Variants in CRPPA observed in about 807,000 individuals in gnomAD.
CRPPA encodes the protein D-ribitol-5-phosphate cytidylyltransferase.
In CRPPA, 43 loss-of-function variants were observed where a neutral mutation model predicts 52.0. The observed-to-expected ratio is 0.83, with a 90% CI of 0.65 to 1.07. The LOEUF is 1.07. Ranked by LOEUF, CRPPA falls within the 50% of genes least tolerant of loss-of-function variation. CRPPA has a pLI of 0.00. For missense variants in CRPPA, 629 were observed against 551.7 expected, an observed-to-expected ratio of 1.14 and a Z score of -1.40; for synonymous variants, 250 against 203.5, an observed-to-expected ratio of 1.23 and a Z score of -1.94.
chr7:16,339,714 G>T (rs1200002489), intron 3 of CRPPA, among the ~76,000 whole-genome samples: 1 of 152,124 alleles, frequency 6.6e-6, no homozygotes, highest in African/African-American at 2.4e-5. Context: ...ATAAGAAAAA[G>T]AAATAAGTAT....
chr7:16,095,577 A>AT, intron 9 of CRPPA, among the ~76,000 whole-genome samples: 3 of 152,268 alleles, frequency 2.0e-5, no homozygotes, highest in Admixed American at 2.0e-4. Context: ...ATGTGAGAAT[A>AT]TTTTTTGCAG....
intron 9 of CRPPA, among the ~76,000 whole-genome samples, chr7:16,139,605 A>C (rs1201749777): frequency 6.6e-6 from 1 of 152,214 alleles, no homozygotes; most frequent in Non-Finnish European, 1.5e-5. Context: ...GCACTAACCT[A>C]ATAATTTAAA....
At chr7:16,179,739 T>C (rs1353943822) in intron 9 of CRPPA, among the ~76,000 whole-genome samples, 1 of 152,070 alleles carries the variant, frequency 6.6e-6, no homozygotes, top group African/African-American at 2.4e-5. Context: ...GGCAATTTGT[T>C]ACAACAGCAA....
At chr7:16,131,783 G>A (rs1369502154) in intron 9 of CRPPA, among the ~76,000 whole-genome samples, 2 of 152,134 alleles carry the variant, frequency 1.3e-5, no homozygotes, top group African/African-American at 2.4e-5. Flanking sequence ...GTCTCACCAT[G>A]TTGCCCAGGC....
intron 9 of CRPPA, among the ~76,000 whole-genome samples, chr7:16,211,675 C>A (rs1382226004): frequency 2.6e-5 from 4 of 152,128 alleles, no homozygotes; most frequent in Non-Finnish European, 5.9e-5. Context: ...CTAGTGGACA[C>A]AGAGTAAATG....
intron 8 of CRPPA, among the ~76,000 whole-genome samples, chr7:16,255,471 C>T (rs796859801): frequency 3.2e-4 from 49 of 152,234 alleles, no homozygotes; most frequent in African/African-American, 1.2e-3. Context: ...CAAAAAAGAG[C>T]CTGCATTGCC....
chr7:16,394,129 C>G (rs1303306040), intron 2 of CRPPA, among the ~76,000 whole-genome samples: 1 of 152,094 alleles, frequency 6.6e-6, no homozygotes, highest in Non-Finnish European at 1.5e-5. Flanking sequence ...TCTAGTAAAG[C>G]TGATAACCTA....
intron 2 of CRPPA, among the ~76,000 whole-genome samples, chr7:16,397,771 C>T (rs192374835): frequency 2.3e-4 from 35 of 152,314 alleles, no homozygotes; most frequent in East Asian, 1.2e-3. Flanking sequence ...GTGATTGGCA[C>T]GTGACCAACA....
intron 9 of CRPPA, among the ~76,000 whole-genome samples, chr7:16,173,639 T>C (rs1781237861): frequency 6.6e-6 from 1 of 152,180 alleles, no homozygotes; most frequent in Non-Finnish European, 1.5e-5. Flanking sequence ...TTTAGCAATA[T>C]ATATTTATAG....
At chr7:16,281,898 A>C (rs1784329120) in intron 5 of CRPPA, among the ~76,000 whole-genome samples, 1 of 152,156 alleles carries the variant, frequency 6.6e-6, no homozygotes, top group African/African-American at 2.4e-5. Flanking sequence ...TAATATCTGT[A>C]CAATTGTATT....
intron 9 of CRPPA, among the ~76,000 whole-genome samples, chr7:16,157,126 G>T (rs1783198261): frequency 6.6e-6 from 1 of 150,544 alleles, no homozygotes; most frequent in African/African-American, 2.4e-5. Flanking sequence ...AGAAGGAGAA[G>T]AAATATTTAT....
intron 4 of CRPPA, among the ~76,000 whole-genome samples, chr7:16,307,518 C>T (rs1417921741): frequency 1.3e-5 from 2 of 151,686 alleles, no homozygotes; most frequent in Non-Finnish European, 2.9e-5. Flanking sequence ...CCCGTCTCTA[C>T]TAAAAATACA....
chr7:16,213,654 C>G (rs1782214408), intron 9 of CRPPA, among the ~76,000 whole-genome samples: 1 of 151,148 alleles, frequency 6.6e-6, no homozygotes, highest in Non-Finnish European at 1.5e-5. Flanking sequence ...GAGGCTGTGG[C>G]AGGAGAATTG....
intron 8 of CRPPA, among the ~76,000 whole-genome samples, chr7:16,232,267 A>T (rs1271854745): frequency 6.6e-6 from 1 of 152,226 alleles, no homozygotes; most frequent in African/African-American, 2.4e-5. Context: ...ATTAAAACCT[A>T]ATTGCCACTG....
chr7:16,272,956 C>CT lies in CRPPA; in HGVS notation c.933+5172dup, dbSNP rs11360688. ...GAATGTCTATTCATATCCTTTGTCGCTTTTTTTTTTATTTTATTATTATTA... is the reference window on the plus strand; with the variant it reads ...GAATGTCTATTCATATCCTTTGTCGCTTTTTTTTTTTATTTTATTATTATTA... On this transcript the variant is annotated intron_variant, in intron 6 of 9. Transcript: ENST00000407010. 5.2e-3 allele frequency among the ~76,000 whole-genome samples: 764 copies of CT among 147,544 alleles called. 1 individual carries two copies. Among genetic ancestry groups the CT allele is most frequent in the Non-Finnish European group, 8.0e-3 (535 of 66,560 alleles).
intron 3 of CRPPA, among the ~76,000 whole-genome samples, chr7:16,351,065 T>C (rs1468980628): frequency 1.3e-5 from 2 of 152,066 alleles, no homozygotes; most frequent in Non-Finnish European, 2.9e-5. Flanking sequence ...TTTAAATATA[T>C]AGGCACCCAA....
chr7:16,124,107 C>CTTTTTT (rs35595388), intron 9 of CRPPA, among the ~76,000 whole-genome samples: 15 of 133,582 alleles, frequency 1.1e-4, no homozygotes, highest in East Asian at 4.4e-4. Context: ...CAATTTCTTT[C>CTTTTTT]TTTTTTTATT....
intron 9 of CRPPA, among the ~76,000 whole-genome samples, chr7:16,190,611 G>A (rs564349085): frequency 2.6e-5 from 4 of 152,138 alleles, no homozygotes; most frequent in Admixed American, 6.5e-5. Context: ...TGTGGCTTTC[G>A]GAACTAGTAA....
At chr7:16,133,750 C>A (rs1053222912) in intron 9 of CRPPA, among the ~76,000 whole-genome samples, 2 of 124,130 alleles carry the variant, frequency 1.6e-5, no homozygotes, top group African/African-American at 5.2e-5. Context: ...CATGGCATTA[C>A]CAAACAAAAA....
Sources: gnomAD v4.1 joint callset for allele counts (sites outside exome capture counted in the v4.1 genomes callset) on GRCh38, gnomAD v4.1.1 for gene constraint, MANE v1.5 for transcripts, NCBI Gene and HGNC (gene_info 2026-07-23, HGNC 2026-07-21) for gene names.